The following GTF2IRD1 variants were observed in gnomAD, a reference collection of about 807,000 sequenced individuals.
The protein encoded by GTF2IRD1 is GTF2I repeat domain containing 1.
GTF2IRD1 carries 26 observed loss-of-function variants against 113.2 expected under a neutral mutation model. The observed-to-expected ratio is 0.23, with a 90% CI of 0.17 to 0.32. GTF2IRD1 has a LOEUF of 0.32. Among genes scored for constraint, GTF2IRD1 ranks in the 10% least tolerant of loss-of-function variants. The pLI, the probability that GTF2IRD1 is intolerant of heterozygous loss-of-function variation, is 1.00. For synonymous variants in GTF2IRD1, 484 were observed against 529.1 expected (o/e 0.91, Z 1.17); for missense variants, 864 against 1,280.8 (o/e 0.67, Z 4.97).
At chr7:74,559,139 C>T in intron 21 of GTF2IRD1, 95 bp downstream of exon 21, 1 of 1,151,518 alleles carries the variant, frequency 8.7e-7, no homozygotes, top group Non-Finnish European at 1.2e-6. Flanking sequence ...GTCCTGCCCT[C>T]CCCCCTGGAC....
At chr7:74,504,458 T>C (rs1016541169) in intron 1 of GTF2IRD1, among the ~76,000 whole-genome samples, 5 of 152,126 alleles carry the variant, frequency 3.3e-5, no homozygotes, top group Non-Finnish European at 7.4e-5. Context: ...TTGGGCCCAG[T>C]TGGCTGTGTG....
At chr7:74,469,054 C>T (rs1364785655) in intron 1 of GTF2IRD1, among the ~76,000 whole-genome samples, 1 of 150,368 alleles carries the variant, frequency 6.7e-6, no homozygotes, top group East Asian at 2.0e-4. Flanking sequence ...CACTGCACTC[C>T]AGCCTGGACG....
At chr7:74,601,466 A>C in intron 26 of GTF2IRD1, 1 of 1,440,418 alleles carries the variant, frequency 6.9e-7, no homozygotes, top group Non-Finnish European at 9.1e-7. Context: ...GCCGCACCAG[A>C]GCTGGAGACA....
At chr7:74,572,497 C>T (rs1800754027) in intron 22 of GTF2IRD1, 6 of 692,456 alleles carry the variant, frequency 8.7e-6, no homozygotes, top group Non-Finnish European at 1.1e-5. Context: ...AGTTAACTTA[C>T]TGTCTTTGAT....
chr7:74,558,244 A>G (rs1165503313), intron 20 of GTF2IRD1, among the ~76,000 whole-genome samples: 1 of 147,590 alleles, frequency 6.8e-6, no homozygotes, highest in Non-Finnish European at 1.5e-5. Context: ...GCGCCATTGC[A>G]TTCCAGCCTA....
intron 17 of GTF2IRD1, among the ~76,000 whole-genome samples, chr7:74,553,254 C>T (rs1385370226): frequency 1.3e-5 from 2 of 152,046 alleles, no homozygotes; most frequent in Non-Finnish European, 2.9e-5. Flanking sequence ...CTCAGCCTCC[C>T]GAGTAACTGG....
intron 11 of GTF2IRD1, among the ~76,000 whole-genome samples, 181 bp from the exon 12 acceptor site, chr7:74,537,955 G>A (rs1316033798): frequency 2.6e-5 from 4 of 152,204 alleles, no homozygotes; most frequent in East Asian, 1.9e-4. Flanking sequence ...GACAAGACAC[G>A]GGGAATCTGT....
intron 9 of GTF2IRD1, among the ~76,000 whole-genome samples, chr7:74,530,428 C>T (rs61372645): frequency 6.6e-6 from 1 of 151,080 alleles, no homozygotes; most frequent in Non-Finnish European, 1.5e-5. Context: ...CCTATTCCTT[C>T]TGGGCCTTTT....
At chr7:74,600,412 C>T (rs1371887485) in intron 25 of GTF2IRD1, among the ~76,000 whole-genome samples, 3 of 151,938 alleles carry the variant, frequency 2.0e-5, no homozygotes, top group African/African-American at 7.3e-5. Context: ...GAGTGAGACC[C>T]TAAAAAACAA....
At chr7:74,531,332 C>T (rs587718947) in intron 9 of GTF2IRD1, among the ~76,000 whole-genome samples, 1 of 152,196 alleles carries the variant, frequency 6.6e-6, no homozygotes, top group Non-Finnish European at 1.5e-5. Context: ...GATGGCACAA[C>T]TGCACTCCAG....
At chr7:74,498,085 G>A (rs1434767470) in intron 1 of GTF2IRD1, among the ~76,000 whole-genome samples, 1 of 152,038 alleles carries the variant, frequency 6.6e-6, no homozygotes, top group Non-Finnish European at 1.5e-5. Flanking sequence ...TAGTGATGTT[G>A]GACATCTTTT....
intron 6 of GTF2IRD1, 36 bp from the exon 7 acceptor site, chr7:74,521,170 TCC>T: frequency 8.0e-7 from 1 of 1,250,658 alleles, no homozygotes; most frequent in East Asian, 2.3e-5. Flanking sequence ...CCCTCTTGGG[TCC>T]CACCTGGAAC....
chr7:74,561,572 C>T (rs1448326881), intron 22 of GTF2IRD1, among the ~76,000 whole-genome samples: 2 of 150,654 alleles, frequency 1.3e-5, no homozygotes, highest in African/African-American at 4.9e-5. Context: ...CACTGGATGC[C>T]AGAAGTGTGT....
chr7:74,530,813 G>A (rs1054836568), intron 9 of GTF2IRD1, among the ~76,000 whole-genome samples: 4 of 152,062 alleles, frequency 2.6e-5, no homozygotes, highest in Admixed American at 6.6e-5. Flanking sequence ...CGACCTGGGC[G>A]TCCTTGGGCA....
chr7:74,454,598 A>G (rs1368550972), intron 1 of GTF2IRD1, among the ~76,000 whole-genome samples: 3 of 151,104 alleles, frequency 2.0e-5, no homozygotes, highest in African/African-American at 7.3e-5. Flanking sequence ...TCCCCCCTCC[A>G]CCTTCTCCCG....
At chr7:74,513,041 G>A in intron 3 of GTF2IRD1, 70 bp downstream of exon 3, 1 of 1,487,396 alleles carries the variant, frequency 6.7e-7, no homozygotes, top group Non-Finnish European at 9.3e-7. Flanking sequence ...GCCCATCTCT[G>A]GGTCCCCAAC....
chr7:74,491,545 T>A (rs1480843361), intron 1 of GTF2IRD1, among the ~76,000 whole-genome samples: 1 of 152,080 alleles, frequency 6.6e-6, no homozygotes, highest in Non-Finnish European at 1.5e-5. Context: ...GTTCTCATTG[T>A]TCAGCTCCCA....
At chr7:74,524,854 ACT>A (rs1290351863) in intron 8 of GTF2IRD1, among the ~76,000 whole-genome samples, 8 of 152,100 alleles carry the variant, frequency 5.3e-5, no homozygotes, top group African/African-American at 1.9e-4. Context: ...ACACAGTGAG[ACT>A]CTGTCTCAAA....
chr7:74,569,930 G>A (rs1436017909), intron 22 of GTF2IRD1, among the ~76,000 whole-genome samples: 10 of 152,188 alleles, frequency 6.6e-5, no homozygotes, highest in Admixed American at 3.9e-4. Context: ...TCTCAGAAGC[G>A]TGGAGCTGGC....
Sources: allele counts gnomAD v4.1 joint callset (sites outside exome capture counted in the v4.1 genomes callset), GRCh38; gene constraint gnomAD v4.1.1; transcripts MANE v1.5; gene names NCBI Gene and HGNC (gene_info 2026-07-23, HGNC 2026-07-21).